FBXL4: variants seen among roughly 807,000 people sequenced by gnomAD.
FBXL4 encodes the protein F-box and leucine rich repeat protein 4.
Under a neutral mutation model 58.9 loss-of-function variants are expected in FBXL4, and 40 were observed. That is an observed-to-expected ratio of 0.68 (90% CI 0.53 to 0.88). The LOEUF is 0.88. Among genes scored for constraint, FBXL4 ranks in the 40% least tolerant of loss-of-function variants. The pLI is 0.00. For missense variants in FBXL4, 676 were observed against 734.4 expected (o/e 0.92, Z 0.92); for synonymous variants, 263 against 265.5 (o/e 0.99, Z 0.09).
intron 7 of FBXL4, chr6:98,896,610 C>G (rs1370677260): frequency 4.0e-6 from 1 of 250,500 alleles, no homozygotes; most frequent in Non-Finnish European, 6.3e-6. Context: ...TTAAGTCAAC[C>G]ATAGATCACT....
chr6:98,880,563 C>T lies in FBXL4; in HGVS notation c.1379G>A (p.Ser460Asn), dbSNP rs762621252. The change falls in exon 8 of 10, where the codon AGT (serine) becomes AAT (asparagine). Residue 460 changes from serine (S) to asparagine (N), a missense_variant. By Grantham distance (46) the Ser-to-Asn change is conservative (BLOSUM62 1). Transcript: ENST00000369244. ...CSELQHLSLGSCVMIEDYDVI... is the reference protein window; with the variant it reads ...CSELQHLSLGNCVMIEDYDVI... ...TTCTCAAACACTTACCATGACACAA[C>T]TGCCTAAACTGAGGTGCTGAAGCTC... is the stretch of plus-strand genomic sequence containing the variant. The T allele has an allele frequency of 5.6e-6, 9 of 1,613,800 alleles. No homozygotes were observed. Among genetic ancestry groups the T allele is most frequent in the Admixed American group, 3.3e-5 (2 of 60,020 alleles).
intron 1 of FBXL4, among the ~76,000 whole-genome samples, chr6:98,939,802 A>G (rs1773365248): frequency 6.6e-6 from 1 of 152,278 alleles, no homozygotes. Flanking sequence ...ATGATGAAAA[A>G]TACGTGAGAA....
intron 4 of FBXL4, among the ~76,000 whole-genome samples, chr6:98,923,076 A>G (rs1337972852): frequency 6.6e-6 from 1 of 152,136 alleles, no homozygotes; most frequent in Non-Finnish European, 1.5e-5. Context: ...CTAGGGAGTG[A>G]CATGTGCCTA....
intron 7 of FBXL4, among the ~76,000 whole-genome samples, chr6:98,886,187 T>C (rs751389999): frequency 7.2e-5 from 11 of 152,154 alleles, no homozygotes; most frequent in Non-Finnish European, 1.3e-4. Flanking sequence ...TTTGAAGCAA[T>C]TGATATATAG....
intron 9 of FBXL4, 106 bp downstream of exon 9, chr6:98,875,309 T>C (rs762825364): frequency 5.6e-5 from 58 of 1,042,902 alleles, no homozygotes; most frequent in Non-Finnish European, 1.2e-5. Flanking sequence ...CAGGATAAAA[T>C]TTTTATTGTA....
Position 98,915,292 on chromosome 6 carries a change from A to C in FBXL4, c.858+2082T>G, listed in dbSNP as rs368030952. 1.1e-4 allele frequency among the ~76,000 whole-genome samples: 16 copies of C among 151,912 alleles called. No individual in the cohort carries two copies. The East Asian group carries it at 1.2e-3, about 11-fold the overall frequency. ...GCCATCCCCATCAAGCTACCAATGA[A>C]TTTCTTCACAGAATTGGAAAAAACT... On this transcript the variant is annotated intron_variant, in intron 5 of 9. Coordinates refer to ENST00000369244, the MANE Select transcript of FBXL4 (RefSeq NM_001278716.2).
At chr6:98,919,757 A>C (rs1238754701) in intron 4 of FBXL4, among the ~76,000 whole-genome samples, 11 of 152,242 alleles carry the variant, frequency 7.2e-5, no homozygotes. Flanking sequence ...TGCTGGTGAG[A>C]AAATGTATGC....
rs374215533 is a variant in FBXL4, at chr6:98,899,331, A to T, written c.1254T>A (p.Ala418=). Residue 418 remains alanine, a synonymous_variant, in exon 7 of 10, where the codon GCT becomes GCA. Coordinates refer to ENST00000369244, the MANE Select transcript of FBXL4 (RefSeq NM_001278716.2). The part of the protein sequence containing the change: ...LSSCDKLPPQ[A]FNHIAKLCSL... ...TGCATAACTTGGCAATGTGGTTGAA[A>T]GCTTGAGGTGGTAGCTTATCACAGG... 4 of 1,613,954 alleles carry T rather than the reference A, an allele frequency of 2.5e-6. No individual in the cohort carries two copies. The African/African-American group carries it at 5.3e-5, about 22-fold the overall frequency.
At chr6:98,900,715 T>C (rs1294358963) in intron 6 of FBXL4, among the ~76,000 whole-genome samples, 1 of 152,176 alleles carries the variant, frequency 6.6e-6, no homozygotes, top group African/African-American at 2.4e-5. Flanking sequence ...ATTTAAACAA[T>C]AAAAAAATTC....
intron 2 of FBXL4, among the ~76,000 whole-genome samples, chr6:98,931,510 T>A (rs1562248386): frequency 6.6e-6 from 1 of 152,062 alleles, no homozygotes; most frequent in African/African-American, 2.4e-5. Flanking sequence ...TTTCAGGAAA[T>A]AAAGTTAAAA....
intron 4 of FBXL4, among the ~76,000 whole-genome samples, chr6:98,919,050 A>C (rs1772480951): frequency 1.3e-5 from 2 of 151,610 alleles, no homozygotes; most frequent in African/African-American, 4.8e-5. Flanking sequence ...AAGAAACTGA[A>C]AGAAAAAAAA....
intron 5 of FBXL4, among the ~76,000 whole-genome samples, chr6:98,908,399 C>A (rs1771897224): frequency 6.6e-6 from 1 of 152,278 alleles, no homozygotes; most frequent in Admixed American, 6.5e-5. Context: ...ATAGAAGTGA[C>A]ATAATTCAAC....
chr6:98,928,205 T>A (rs1772864784), intron 2 of FBXL4, among the ~76,000 whole-genome samples: 1 of 152,192 alleles, frequency 6.6e-6, no homozygotes. Flanking sequence ...ATTTACAACA[T>A]AGGCTGGGGC....
chr6:98,917,567 G>C lies in FBXL4; in HGVS notation c.665C>G (p.Ala222Gly). 9.3e-6 allele frequency: 15 copies of C among 1,613,942 alleles called. No individual in the cohort carries two copies. Among genetic ancestry groups the C allele is most frequent in the Non-Finnish European group, 1.3e-5 (15 of 1,179,904 alleles). Residue 222 changes from alanine to glycine, a missense_variant, in exon 5 of 10, where the codon GCA becomes GGA. Physicochemically the swap from Ala to Gly is moderately conservative, Grantham distance 60. Coordinates refer to ENST00000369244, the MANE Select transcript of FBXL4 (RefSeq NM_001278716.2). ...SLLEYYTELD[A>G]VVLHGVKDKP... ...GTCCTTCACACCATGTAGCACAACT[G>C]CATCTAATTCAGTGTAATATTCCAG...
At chr6:98,879,640 TG>T (rs1450939667) in intron 8 of FBXL4, among the ~76,000 whole-genome samples, 1 of 152,054 alleles carries the variant, frequency 6.6e-6, no homozygotes, top group African/African-American at 2.4e-5. Flanking sequence ...CCCGGCAATT[TG>T]GGAGGCCGAG....
intron 5 of FBXL4, among the ~76,000 whole-genome samples, chr6:98,912,851 T>A (rs1365488780): frequency 6.6e-6 from 1 of 151,808 alleles, no homozygotes; most frequent in African/African-American, 2.4e-5. Context: ...ATAAATGGAC[T>A]AAATGCTCCA....
chr6:98,899,325 GT>G lies in FBXL4; in HGVS notation c.1259del (p.Asn420ThrfsTer19). 1.2e-6 allele frequency: 2 copies of G among 1,614,000 alleles called. No homozygotes were observed. Among genetic ancestry groups the G allele is most frequent in the South Asian group, 2.2e-5 (2 of 91,078 alleles). On this transcript the variant is annotated frameshift_variant, in exon 7 of 10. Transcript: ENST00000369244. LOFTEE classifies it high-confidence loss of function. The stretch of plus-strand genomic sequence containing the variant: ...TAAGGCTGCATAACTTGGCAATGTG[GT>G]TGAAAGCTTGAGGTGGTAGCTTATC... ...SCDKLPPQAF[N>X]HIAKLCSLKR... is the part of the protein sequence containing the mutation.
At chr6:98,881,297 A>G (rs2128379320) in intron 7 of FBXL4, among the ~76,000 whole-genome samples, 1 of 152,318 alleles carries the variant, frequency 6.6e-6, no homozygotes, top group East Asian at 1.9e-4. Context: ...AGAAACCCAA[A>G]GACTGCTACA....
At position 98,899,254 on chromosome 6, in the gene FBXL4, T is replaced by C. The variant is rs182139048; in HGVS notation, c.1317+14A>G. 1.1e-3 allele frequency: 1,791 copies of C among 1,610,084 alleles called. 3 individuals carry two copies. Among genetic ancestry groups the C allele is most frequent in the Non-Finnish European group, 1.1e-3 (1,326 of 1,177,182 alleles). ...ACCATAATAGCAATGATGAAAATTATGAATTACTCTCACCTCTACTTTTGT... is the reference window on the plus strand; with the variant it reads ...ACCATAATAGCAATGATGAAAATTACGAATTACTCTCACCTCTACTTTTGT... On this transcript the variant is annotated intron_variant, in intron 7 of 9. Transcript: ENST00000369244.
Sources: gnomAD v4.1 joint callset for allele counts (sites outside exome capture counted in the v4.1 genomes callset) on GRCh38, gnomAD v4.1.1 for gene constraint, MANE v1.5 for transcripts, NCBI Gene and HGNC (gene_info 2026-07-23, HGNC 2026-07-21) for gene names.